Variants in PTPRF observed in about 807,000 individuals in gnomAD.
The protein encoded by PTPRF is receptor-type tyrosine-protein phosphatase F.
In PTPRF, 59 loss-of-function variants were observed where a neutral mutation model predicts 201.8. The ratio of observed to expected loss-of-function variants is 0.29; its 90% CI spans 0.24 to 0.36. PTPRF has a LOEUF of 0.36. Among genes scored for constraint, PTPRF ranks in the 10% least tolerant of loss-of-function variants. PTPRF has a pLI of 1.00. For synonymous variants in PTPRF, 1,088 were observed against 1,089.7 expected, an observed-to-expected ratio of 1.00 and a Z score of 0.03; for missense variants, 2,132 against 2,690.5, an observed-to-expected ratio of 0.79 and a Z score of 4.59.
chr1:43,618,845 G>A lies in PTPRF; in HGVS notation c.4491+96G>A, dbSNP rs1363105445. 2.6e-6 allele frequency: 4 copies of A among 1,528,864 alleles called. No homozygotes were observed. The African/African-American group carries it at 4.1e-5, about 16-fold the overall frequency. The allele number at this position is 1,528,864 out of a possible 1,614,324, so 94.7% of individuals were successfully genotyped here. ...GGGTCGGGGGGAAGCTGGAGCCTGG[G>A]TGTTGGAGGGTCGGAGGCTCAGGTG... is the stretch of plus-strand genomic sequence containing the variant. On this transcript the variant is annotated intron_variant, in intron 26 of 33. Coordinates refer to ENST00000359947, the MANE Select transcript of PTPRF (RefSeq NM_002840.5).
At position 43,590,963 on chromosome 1, in the gene PTPRF, T is replaced by C. The variant is rs1371162783; in HGVS notation, c.950-9T>C. 3.1e-6 allele frequency: 5 copies of C among 1,597,170 alleles called. No homozygotes were observed. Among genetic ancestry groups the C allele is most frequent in the African/African-American group, 2.7e-5 (2 of 74,584 alleles). ...TCGGGCAGCTTTGAGCCTTCCACTT[T>C]GTCTCCAGCTCTTCCAAAGCCTCCG... On this transcript the variant is annotated splice_polypyrimidine_tract_variant and intron_variant, in intron 8 of 33. Coordinates refer to ENST00000359947, the MANE Select transcript of PTPRF (RefSeq NM_002840.5).
intron 6 of PTPRF, among the ~76,000 whole-genome samples, chr1:43,574,788 C>T (rs973166144): frequency 5.3e-5 from 8 of 152,242 alleles, no homozygotes; most frequent in African/African-American, 1.9e-4. Context: ...TCTGCATCTG[C>T]AGGACTGGCA....
At position 43,613,671 on chromosome 1, in the gene PTPRF, C is replaced by T. The variant is rs369549174; in HGVS notation, c.4027C>T (p.Arg1343Cys). 1.3e-5 allele frequency: 21 copies of T among 1,614,064 alleles called. No homozygotes were observed. The highest frequency in any genetic ancestry group is 1.6e-4 in the Middle Eastern group (1 of 6,082). Residue 1343 changes from arginine to cysteine, a missense_variant, in exon 23 of 34, where the codon CGC becomes TGC. By Grantham distance (180) the Arg-to-Cys change is radical. Transcript: ENST00000359947. ...CACCGACCTGGCGGACAACATCGAG[C>T]GCCTCAAAGCCAACGATGGCCTCAA... The part of the protein sequence containing the change: ...PITDLADNIE[R>C]LKANDGLKFS...
intron 29 of PTPRF, 61 bp downstream of exon 29, chr1:43,619,919 G>T (rs1658784792): frequency 6.3e-7 from 1 of 1,587,120 alleles, no homozygotes; most frequent in South Asian, 1.1e-5. Flanking sequence ...TGCCTGGCTG[G>T]TGGGGGTGGG....
chr1:43,556,110 T>C (rs1645352428), intron 5 of PTPRF, among the ~76,000 whole-genome samples: 1 of 152,238 alleles, frequency 6.6e-6, no homozygotes, highest in African/African-American at 2.4e-5. Flanking sequence ...AGGCAAAAAA[T>C]GGCATCTCAA....
At position 43,606,478 on chromosome 1, in the gene PTPRF, G is replaced by T; in HGVS notation, c.3702+20G>T. The T allele has an allele frequency of 1.3e-6, 2 of 1,599,442 alleles. No individual in the cohort carries two copies. The highest frequency in any genetic ancestry group is 8.5e-7 in the Non-Finnish European group (1 of 1,170,710). On this transcript the variant is annotated intron_variant, in intron 20 of 33. Transcript: ENST00000359947. The stretch of plus-strand genomic sequence containing the variant: ...GACCAGGTCTGCCTGAGCCGGCTTG[G>T]CTGTCAGCACCCTGATTCCCTGGGC...
At position 43,591,967 on chromosome 1, in the gene PTPRF, A is replaced by C. The variant is rs1328147264; in HGVS notation, c.1668+19A>C. The C allele has an allele frequency of 6.2e-7, 1 of 1,612,446 alleles. No homozygotes were observed. The highest frequency in any genetic ancestry group is 8.5e-7 in the Non-Finnish European group (1 of 1,179,092). On this transcript the variant is annotated intron_variant, in intron 10 of 33. Transcript: ENST00000359947. ...CCAACAGGTGTGCAGCGGGCAGAGAAGCACTGAGGGGGTCTCCTGGTCCCT... is the reference window on the plus strand; with the variant it reads ...CCAACAGGTGTGCAGCGGGCAGAGACGCACTGAGGGGGTCTCCTGGTCCCT...
chr1:43,540,728 G>A, intron 2 of PTPRF, among the ~76,000 whole-genome samples: 1 of 152,250 alleles, frequency 6.6e-6, no homozygotes, highest in Non-Finnish European at 1.5e-5. Context: ...TACCAGCCGT[G>A]GGAGGGAGGG....
rs2154007906 is a variant in PTPRF at position 43,588,594 on chromosome 1, T to C, written c.680-137T>C. 1 of 1,153,270 alleles carries C rather than the reference T, an allele frequency of 8.7e-7. No individual in the cohort carries two copies. Among genetic ancestry groups the C allele is most frequent in the South Asian group, 1.6e-5 (1 of 63,110 alleles). The allele number at this position is 1,153,270 out of a possible 1,614,324, so 71.4% of individuals were successfully genotyped here. On this transcript the variant is annotated intron_variant, in intron 7 of 33. Coordinates refer to ENST00000359947, the MANE Select transcript of PTPRF (RefSeq NM_002840.5). This position sits in a 1 kb window ranked among gnomAD's most constrained non-coding sequence, Gnocchi z 5.3. ...TGGGAGTGGATGATGAGCTGGGGTCTGGCGGTGCCACCCCTCCTGTCTCTG... is the reference window on the plus strand; with the variant it reads ...TGGGAGTGGATGATGAGCTGGGGTCCGGCGGTGCCACCCCTCCTGTCTCTG...
Position 43,572,686 on chromosome 1 carries a change from C to T in PTPRF, c.568+2908C>T, listed in dbSNP as rs976612180. Among the ~76,000 whole-genome samples, 5 of 152,312 alleles carry T rather than the reference C, an allele frequency of 3.3e-5. No homozygotes were observed. The East Asian group carries it at 5.8e-4, about 18-fold the overall frequency. On this transcript the variant is annotated intron_variant, in intron 6 of 33. Coordinates refer to ENST00000359947, the MANE Select transcript of PTPRF (RefSeq NM_002840.5). ...TGTTTACCGGGACCTTTACGGTTTA[C>T]GCATCACCGACAGTTTACAACAGAG...
At position 43,554,910 on chromosome 1, in the gene PTPRF, A is replaced by G. The variant is rs1393112294; in HGVS notation, c.379+969A>G. Among the ~76,000 whole-genome samples, 45 of 148,210 alleles carry G rather than the reference A, an allele frequency of 3.0e-4. No individual in the cohort carries two copies. The highest frequency in any genetic ancestry group is 1.2e-3 in the Admixed American group (17 of 14,782). On this transcript the variant is annotated intron_variant, in intron 5 of 33. Coordinates refer to ENST00000359947, the MANE Select transcript of PTPRF (RefSeq NM_002840.5). The surrounding 1 kb of genome is among the most constrained non-coding windows in gnomAD (Gnocchi z 4.1). ...CTCTTGTTGCCCAGGCTGGAGTGCAATGGTGTGATCTCAGCTCACTGCAAC... is the reference window on the plus strand; with the variant it reads ...CTCTTGTTGCCCAGGCTGGAGTGCAGTGGTGTGATCTCAGCTCACTGCAAC...
intron 3 of PTPRF, among the ~76,000 whole-genome samples, chr1:43,545,758 G>A (rs138911551): frequency 4.6e-4 from 70 of 152,270 alleles, no homozygotes; most frequent in African/African-American, 1.5e-3. Context: ...GAAATGGGGG[G>A]AAGATTGTGT....
chr1:43,565,591 C>G (rs1454281254), intron 5 of PTPRF, among the ~76,000 whole-genome samples: 1 of 152,252 alleles, frequency 6.6e-6, no homozygotes, highest in Non-Finnish European at 1.5e-5. Flanking sequence ...CCAGGGCACC[C>G]TCTTATCAGG....
At chr1:43,575,779 G>GGGT in intron 6 of PTPRF, 1 of 757,294 alleles carries the variant, frequency 1.3e-6, no homozygotes, top group Non-Finnish European at 2.0e-6. Flanking sequence ...CCTAACTCAG[G>GGGT]CCTCAATTTC....
In PTPRF at chr1:43,603,430, C is replaced by T. The variant is rs777222498; in HGVS notation, c.2355C>T (p.Ser785=). ...EESEDYETTI[S]GLTPETTYSV... ...TCCTCCCTCAGGAAACCACTATCAG[C>T]GGCCTGACCCCGGAGACCACCTACT... Residue 785 remains serine (S), a synonymous_variant, in exon 15 of 34, where the codon AGC becomes AGT. Transcript: ENST00000359947. The surrounding 1 kb of genome is among the most constrained non-coding windows in gnomAD (Gnocchi z 5.8). 4.0e-5 allele frequency: 64 copies of T among 1,613,952 alleles called. No homozygotes were observed. Among genetic ancestry groups the T allele is most frequent in the Middle Eastern group, 1.6e-4 (1 of 6,084 alleles).
chr1:43,559,768 A>G (rs558313196), intron 5 of PTPRF, among the ~76,000 whole-genome samples: 2 of 144,192 alleles, frequency 1.4e-5, no homozygotes, highest in Admixed American at 1.4e-4. Flanking sequence ...TTTGTACAGC[A>G]GGTGGTGTGC....
At position 43,620,562 on chromosome 1, in the gene PTPRF, A is replaced by G; in HGVS notation, c.5347A>G (p.Lys1783Glu). ...GCCCCAGTATATCCTGCGTGAGTTCAAGGTCACGGATGCCCGGGTGAGTGA... is the reference window on the plus strand; with the variant it reads ...GCCCCAGTATATCCTGCGTGAGTTCGAGGTCACGGATGCCCGGGTGAGTGA... ...NMPQYILREFKVTDARDGQSR... is the reference protein window; with the variant it reads ...NMPQYILREFEVTDARDGQSR... The change falls in exon 31 of 34, where the codon AAG (lysine) becomes GAG (glutamate). Residue 1783 changes from lysine to glutamate, a missense_variant. Transcript: ENST00000359947. 2 of 1,614,014 alleles carry G rather than the reference A, an allele frequency of 1.2e-6. No homozygotes were observed. Among genetic ancestry groups the G allele is most frequent in the Non-Finnish European group, 1.7e-6 (2 of 1,179,934 alleles).
Position 43,588,222 on chromosome 1 carries a change from G to A in PTPRF, c.680-509G>A, listed in dbSNP as rs954953511. ...CTCAGGCCATGGCCTGGAGGTGGAG[G>A]CAGTGACTCCACGGCAGGTGGCTGT... is the stretch of plus-strand genomic sequence containing the variant. On this transcript the variant is annotated intron_variant, in intron 7 of 33. Coordinates refer to ENST00000359947, the MANE Select transcript of PTPRF (RefSeq NM_002840.5). This position sits in a 1 kb window ranked among gnomAD's most constrained non-coding sequence, Gnocchi z 5.3. 2.0e-5 allele frequency among the ~76,000 whole-genome samples: 3 copies of A among 152,132 alleles called. No homozygotes were observed. Among genetic ancestry groups the A allele is most frequent in the Non-Finnish European group, 4.4e-5 (3 of 68,028 alleles).
rs781778248 is a variant in PTPRF, at chr1:43,618,664, C to T, written c.4406C>T (p.Thr1469Ile). 3.1e-6 allele frequency: 5 copies of T among 1,612,638 alleles called. No homozygotes were observed. The South Asian group carries it at 4.4e-5, about 14-fold the overall frequency. Residue 1469 changes from threonine (T) to isoleucine (I), a missense_variant, in exon 26 of 34, where the codon ACC (threonine) becomes ATC (isoleucine). Thr to Ile is a moderately conservative substitution (Grantham distance 89, BLOSUM62 -1). Coordinates refer to ENST00000359947, the MANE Select transcript of PTPRF (RefSeq NM_002840.5). ...GATCAGTACTGGCCAGCCCGTGGCA[C>T]CGAGACCTGTGGCCTTATTCAGGTG... ...KCDQYWPARG[T>I]ETCGLIQVTL... is the part of the protein sequence containing the mutation.
Sources: gnomAD v4.1 joint callset for allele counts (sites outside exome capture counted in the v4.1 genomes callset) on GRCh38, gnomAD v4.1.1 for gene constraint, Gnocchi (gnomAD v3.1) non-coding constraint, MANE v1.5 for transcripts, NCBI Gene and HGNC (gene_info 2026-07-23, HGNC 2026-07-21) for gene names.